Variants in ZKSCAN5 observed in about 807,000 individuals in gnomAD.
ZKSCAN5 encodes the protein zinc finger protein with KRAB and SCAN domains 5.
ZKSCAN5 carries 28 observed loss-of-function variants against 60.0 expected under a neutral mutation model. The observed-to-expected ratio is 0.47, with a 90% CI of 0.35 to 0.64. The LOEUF (loss-of-function observed/expected upper bound fraction) is 0.64, where lower values mean the gene tolerates loss of function less well. Among genes scored for constraint, ZKSCAN5 ranks in the 30% least tolerant of loss-of-function variants. The probability of loss-of-function intolerance (pLI) is 0.01; values close to 1 mark genes in which losing one functional copy is unlikely to be tolerated. For synonymous variants in ZKSCAN5, 361 were observed against 371.2 expected, an observed-to-expected ratio of 0.97 and a Z score of 0.31; for missense variants, 881 against 1,034.6, an observed-to-expected ratio of 0.85 and a Z score of 2.04.
At chr7:99,513,391 G>C (rs1291698739) in intron 3 of ZKSCAN5, among the ~76,000 whole-genome samples, 1 of 152,082 alleles carries the variant, frequency 6.6e-6, no homozygotes, top group Non-Finnish European at 1.5e-5. Flanking sequence ...TTCTGTCATA[G>C]ATTGTCTTTC....
chr7:99,525,945 T>C lies in ZKSCAN5; in HGVS notation c.905T>C (p.Leu302Pro), dbSNP rs764351077. Residue 302 changes from leucine (L) to proline (P), a missense_variant, in exon 6 of 7, where the codon CTT becomes CCT. Physicochemically the swap from Leu to Pro is moderately conservative, Grantham distance 98. Coordinates refer to ENST00000326775, the MANE Select transcript of ZKSCAN5 (RefSeq NM_145102.4). ...QDPDFAEVSD[L>P]KGMVQRWQVN... The stretch of plus-strand genomic sequence containing the variant: ...CCAGACTTTGCAGAAGTCAGTGACC[T>C]TAAAGGCATGGTACAAAGGTGGCAG... The C allele has an allele frequency of 6.2e-7, 1 of 1,614,012 alleles. No individual in the cohort carries two copies. The highest frequency in any genetic ancestry group is 8.5e-7 in the Non-Finnish European group (1 of 1,180,018).
At chr7:99,525,264 G>A (rs1801724880) in intron 5 of ZKSCAN5, among the ~76,000 whole-genome samples, 1 of 152,020 alleles carries the variant, frequency 6.6e-6, no homozygotes, top group Non-Finnish European at 1.5e-5. Flanking sequence ...TTGAGCTCAG[G>A]AGTTTGAAAC....
At chr7:99,505,438 C>T (rs1249729671) in intron 1 of ZKSCAN5, 1 of 152,388 alleles carries the variant, frequency 6.6e-6, no homozygotes, top group African/African-American at 2.4e-5. Flanking sequence ...CTGTCCCTAA[C>T]CTTGACCGGG....
intron 1 of ZKSCAN5, 73 bp downstream of exon 1, chr7:99,504,806 C>T (rs1800634844): frequency 6.6e-6 from 1 of 152,330 alleles, no homozygotes; most frequent in Non-Finnish European, 1.5e-5. Context: ...GCCCCAAATT[C>T]AACATAAGCG....
At chr7:99,524,181 G>T (rs573373962) in intron 5 of ZKSCAN5, among the ~76,000 whole-genome samples, 1 of 150,722 alleles carries the variant, frequency 6.6e-6, no homozygotes, top group East Asian at 2.0e-4. Flanking sequence ...AGCGATTCTC[G>T]TGCCTCAGCC....
chr7:99,505,546 C>T (rs143044705), intron 1 of ZKSCAN5: 1 of 157,566 alleles, frequency 6.3e-6, no homozygotes, highest in Non-Finnish European at 1.4e-5. Flanking sequence ...CCGATGGAGT[C>T]TCCCCTTGGC....
chr7:99,520,408 T>C, intron 5 of ZKSCAN5, 104 bp downstream of exon 5: 3 of 1,382,008 alleles, frequency 2.2e-6, no homozygotes, highest in Non-Finnish European at 2.9e-6. Context: ...TTATGTGCTA[T>C]GACTTTGCTT....
intron 3 of ZKSCAN5, among the ~76,000 whole-genome samples, chr7:99,513,514 C>T (rs1366239908): frequency 6.6e-6 from 1 of 152,092 alleles, no homozygotes; most frequent in Non-Finnish European, 1.5e-5. Flanking sequence ...CCACCTCAGC[C>T]TCCTGAGTAG....
chr7:99,520,200 T>G lies in ZKSCAN5; in HGVS notation c.668T>G (p.Val223Gly). ...GTGAAAATTGAAGAGGTGGCTGATG[T>G]GGCTGTATCCTTCATCCTGGAGGAA... Reference protein sequence around the residue: ...KLVKIEEVADVAVSFILEEWG... With the variant: ...KLVKIEEVADGAVSFILEEWG... Residue 223 changes from valine to glycine, a missense_variant, in exon 5 of 7, where the codon GTG becomes GGG. This residue lies in a region of ZKSCAN5 where 490 missense variants were observed against 554.5 expected (regional missense o/e 0.88). Transcript: ENST00000326775. 1 of 1,613,880 alleles carries G rather than the reference T, an allele frequency of 6.2e-7. No homozygotes were observed. Among genetic ancestry groups the G allele is most frequent in the African/African-American group, 1.3e-5 (1 of 75,028 alleles).
intron 3 of ZKSCAN5, among the ~76,000 whole-genome samples, chr7:99,516,095 A>G (rs910766780): frequency 1.3e-5 from 2 of 151,826 alleles, no homozygotes; most frequent in East Asian, 3.9e-4. Flanking sequence ...CTCCTGCCTC[A>G]GCCTCCCGAG....
At chr7:99,526,478 A>T (rs1277195701) in intron 6 of ZKSCAN5, 60 bp downstream of exon 6, 1 of 1,554,090 alleles carries the variant, frequency 6.4e-7, no homozygotes, top group Non-Finnish European at 8.6e-7. Context: ...AAGGTGTTTT[A>T]TTAGTACGGT....
At chr7:99,510,941 G>A (rs898817459) in intron 2 of ZKSCAN5, among the ~76,000 whole-genome samples, 1 of 151,820 alleles carries the variant, frequency 6.6e-6, no homozygotes, top group African/African-American at 2.4e-5. Context: ...GTGTGGTCTC[G>A]CCATGTTGCC....
intron 3 of ZKSCAN5, among the ~76,000 whole-genome samples, chr7:99,512,975 C>T (rs527471142): frequency 9.5e-6 from 1 of 104,948 alleles, no homozygotes; most frequent in African/African-American, 3.6e-5. Flanking sequence ...TATCCCTCCC[C>T]CCTCCCCCCA....
chr7:99,520,407 A>G, intron 5 of ZKSCAN5, 103 bp downstream of exon 5: 2 of 1,379,132 alleles, frequency 1.5e-6, no homozygotes, highest in Non-Finnish European at 1.9e-6. Context: ...TTTATGTGCT[A>G]TGACTTTGCT....
chr7:99,505,799 C>T, intron 1 of ZKSCAN5: 3 of 404,142 alleles, frequency 7.4e-6, no homozygotes, highest in Non-Finnish European at 1.4e-5. Context: ...TGGGGTTATT[C>T]CTTATTATCA....
rs563462796 is a variant in ZKSCAN5, at chr7:99,516,501, G to A, written c.554-3326G>A. Among the ~76,000 whole-genome samples, 6 of 152,112 alleles carry A rather than the reference G, an allele frequency of 3.9e-5. No homozygotes were observed. The South Asian group carries it at 8.3e-4, about 21-fold the overall frequency. Reference sequence around the variant, plus strand: ...TAGTCATTGGAAATCAGCAAGCCACGGATGCCCCCAGATCTCCAGGACTCC... The same window carrying A: ...TAGTCATTGGAAATCAGCAAGCCACAGATGCCCCCAGATCTCCAGGACTCC... On this transcript the variant is annotated intron_variant, in intron 3 of 6. Coordinates refer to ENST00000326775, the MANE Select transcript of ZKSCAN5 (RefSeq NM_145102.4).
At chr7:99,524,229 C>G (rs574127726) in intron 5 of ZKSCAN5, among the ~76,000 whole-genome samples, 9 of 152,146 alleles carry the variant, frequency 5.9e-5, no homozygotes, top group African/African-American at 1.9e-4. Flanking sequence ...TGCCACGACG[C>G]CTGGCTAATT....
At position 99,526,442 on chromosome 7, in the gene ZKSCAN5, G is replaced by C. The variant is rs1000648285; in HGVS notation, c.1378+24G>C. The C allele has an allele frequency of 1.9e-6, 3 of 1,582,152 alleles. No individual in the cohort carries two copies. In the African/African-American group the frequency reaches 4.0e-5, roughly 21 times the overall value. On this transcript the variant is annotated intron_variant, in intron 6 of 6. Transcript: ENST00000326775. ...ATGTACGTGTGAGGAGTTTATATCC[G>C]GGGGATAAATGGAGGCGAAAAGCAA...
At chr7:99,507,063 A>T (rs74675542) in intron 2 of ZKSCAN5, among the ~76,000 whole-genome samples, 2,880 of 152,168 alleles carry the variant, frequency 0.019, 46 homozygotes, top group Middle Eastern at 0.071. Context: ...AATGAAAAGT[A>T]AGTTTTCCTC....
Sources: gnomAD v4.1 joint callset for allele counts (sites outside exome capture counted in the v4.1 genomes callset) on GRCh38, gnomAD v4.1.1 for gene constraint, gnomAD v4.1.1 regional missense constraint, MANE v1.5 for transcripts, NCBI Gene and HGNC (gene_info 2026-07-23, HGNC 2026-07-21) for gene names.